NRG3: variants seen among roughly 807,000 people sequenced by gnomAD.
NRG3 encodes the protein neuregulin 3, also known as pro-neuregulin-3, membrane-bound isoform.
In NRG3, 31 loss-of-function variants were observed where a neutral mutation model predicts 66.9. The observed-to-expected ratio is 0.46, with a 90% CI of 0.35 to 0.63. NRG3 has a LOEUF of 0.63. NRG3 is among the 20% of genes least tolerant of loss of function. NRG3 has a pLI of 0.00. For synonymous variants in NRG3, 393 were observed against 359.4 expected, an observed-to-expected ratio of 1.09 and a Z score of -1.06; for missense variants, 910 against 878.9, an observed-to-expected ratio of 1.04 and a Z score of -0.45.
At position 81,875,246 on chromosome 10, in the gene NRG3, C is replaced by T. The variant is rs1841513687; in HGVS notation, c.-95C>T. ...TGCCTGCGCCCGAGCCCGCCGCCGC[C>T]GCCGGAGCCCGCGCCCGCGCCCGCG... On this transcript the variant is annotated 5_prime_UTR_variant, in exon 1 of 9. Coordinates refer to ENST00000372141, the MANE Select transcript of NRG3 (RefSeq NM_001010848.4). This position sits in a 1 kb window ranked among gnomAD's most constrained non-coding sequence, Gnocchi z 5.3. 4 of 789,832 alleles carry T rather than the reference C, an allele frequency of 5.1e-6. No homozygotes were observed. Among genetic ancestry groups the T allele is most frequent in the Non-Finnish European group, 6.1e-6 (4 of 653,764 alleles). 48.9% of individuals were successfully genotyped at this position (789,832 alleles called of 1,614,324 possible).
chr10:82,744,386 A>G lies in NRG3; in HGVS notation c.1027+5736A>G, dbSNP rs551013294. Among the ~76,000 whole-genome samples the G allele has an allele frequency of 4.9e-4, 74 of 152,206 alleles. 1 individual carries two copies. The highest frequency in any genetic ancestry group is 1.4e-3 in the Admixed American group (21 of 15,292). On this transcript the variant is annotated intron_variant, in intron 3 of 8. Transcript: ENST00000372141. Reference sequence around the variant, plus strand: ...GCAGGTTCAGTGTCTGCTGTGGGCAATTTTCTGATAGAGGGTGCATTCTCT... The same window carrying G: ...GCAGGTTCAGTGTCTGCTGTGGGCAGTTTTCTGATAGAGGGTGCATTCTCT...
At chr10:82,210,802 C>T (rs1248681655) in intron 1 of NRG3, among the ~76,000 whole-genome samples, 1 of 151,920 alleles carries the variant, frequency 6.6e-6, no homozygotes, top group African/African-American at 2.4e-5. Context: ...CATATTTATG[C>T]CTACTTATTT....
At chr10:82,821,085 CT>C (rs752364302) in intron 3 of NRG3, among the ~76,000 whole-genome samples, 10 of 152,156 alleles carry the variant, frequency 6.6e-5, no homozygotes, top group Admixed American at 1.3e-4. Context: ...CTTCTTATTT[CT>C]TTTCTATCCA....
At chr10:82,783,985 G>A (rs1360105933) in intron 3 of NRG3, among the ~76,000 whole-genome samples, 3 of 151,956 alleles carry the variant, frequency 2.0e-5, no homozygotes, top group African/African-American at 7.3e-5. Flanking sequence ...AACCAAAACA[G>A]CATGGTACTG....
chr10:82,453,945 C>T (rs907161819), intron 2 of NRG3, among the ~76,000 whole-genome samples: 2 of 152,196 alleles, frequency 1.3e-5, no homozygotes, highest in South Asian at 4.2e-4. Context: ...TATAAAGTTC[C>T]ACAGTGAGAT....
At chr10:82,385,011 T>C (rs2085884050) in intron 2 of NRG3, among the ~76,000 whole-genome samples, 1 of 152,210 alleles carries the variant, frequency 6.6e-6, no homozygotes, top group Admixed American at 6.5e-5. Context: ...AAAACCATTC[T>C]AACTGGTATG....
chr10:82,848,752 T>C (rs1224204504), intron 3 of NRG3, among the ~76,000 whole-genome samples: 6 of 152,134 alleles, frequency 3.9e-5, no homozygotes, highest in Non-Finnish European at 5.9e-5. Flanking sequence ...TGGGAGACAA[T>C]TGAATCACGG....
At chr10:82,199,135 G>A (rs974622658) in intron 1 of NRG3, among the ~76,000 whole-genome samples, 68 of 145,334 alleles carry the variant, frequency 4.7e-4, no homozygotes, top group African/African-American at 1.7e-3. Context: ...TGCTACCCCT[G>A]CACTCCAGCT....
intron 2 of NRG3, among the ~76,000 whole-genome samples, chr10:82,540,319 A>G (rs1052814705): frequency 4.0e-5 from 6 of 150,986 alleles, no homozygotes; most frequent in African/African-American, 1.2e-4. Context: ...GTGCTTTTCC[A>G]TCTCTCTCTC....
Position 82,312,905 on chromosome 10 carries a change from G to A in NRG3, c.824-45834G>A, listed in dbSNP as rs188684053. On this transcript the variant is annotated intron_variant, in intron 1 of 8. Transcript: ENST00000372141. ...TGATAATTAATTGTTGGCTGTCAACGGTGGCTCATGCCTGTAATTCCAGCA... is the reference window on the plus strand; with the variant it reads ...TGATAATTAATTGTTGGCTGTCAACAGTGGCTCATGCCTGTAATTCCAGCA... Among the ~76,000 whole-genome samples the A allele has an allele frequency of 2.1e-3, 327 of 152,170 alleles. 5 individuals are homozygous for A. The highest frequency in any genetic ancestry group is 7.3e-3 in the African/African-American group (305 of 41,518).
chr10:82,301,942 G>T (rs2080428470), intron 1 of NRG3, among the ~76,000 whole-genome samples: 1 of 151,650 alleles, frequency 6.6e-6, no homozygotes, highest in African/African-American at 2.4e-5. Context: ...AACAATCTTA[G>T]TTAATAGACT....
chr10:82,134,633 T>G (rs1371984893), intron 1 of NRG3, among the ~76,000 whole-genome samples: 1 of 152,108 alleles, frequency 6.6e-6, no homozygotes, highest in Non-Finnish European at 1.5e-5. Context: ...TGTTTTTGCA[T>G]CAGTATTATG....
At chr10:81,972,264 A>C (rs2059960626) in intron 1 of NRG3, among the ~76,000 whole-genome samples, 1 of 152,236 alleles carries the variant, frequency 6.6e-6, no homozygotes, top group Non-Finnish European at 1.5e-5. Flanking sequence ...AATATCAAGC[A>C]TCCTACATGG....
chr10:82,123,649 G>A (rs1392425526), intron 1 of NRG3, among the ~76,000 whole-genome samples: 2 of 152,176 alleles, frequency 1.3e-5, no homozygotes, highest in African/African-American at 4.8e-5. Context: ...GAAGAATTCA[G>A]TTCATCCAAA....
At chr10:82,850,156 T>C (rs974871913) in intron 3 of NRG3, among the ~76,000 whole-genome samples, 2 of 152,178 alleles carry the variant, frequency 1.3e-5, no homozygotes, top group African/African-American at 2.4e-5. Context: ...ACAAGTTTTC[T>C]AGAGGATGCT....
chr10:82,018,787 T>C (rs2061913780), intron 1 of NRG3, among the ~76,000 whole-genome samples: 2 of 152,184 alleles, frequency 1.3e-5, no homozygotes, highest in Admixed American at 6.5e-5. Flanking sequence ...ATTGATTTTG[T>C]ATCCTGAGAC....
At chr10:82,191,034 A>C (rs1311278583) in intron 1 of NRG3, among the ~76,000 whole-genome samples, 2 of 152,100 alleles carry the variant, frequency 1.3e-5, no homozygotes, top group African/African-American at 4.8e-5. Context: ...GAACTGGGTC[A>C]CATGTCACCC....
At chr10:82,537,121 G>T (rs1364081038) in intron 2 of NRG3, among the ~76,000 whole-genome samples, 1 of 151,872 alleles carries the variant, frequency 6.6e-6, no homozygotes, top group Non-Finnish European at 1.5e-5. Context: ...ATGGGTTTTT[G>T]TGAAAATTTA....
intron 2 of NRG3, among the ~76,000 whole-genome samples, chr10:82,704,944 C>T (rs981922654): frequency 1.3e-5 from 2 of 152,124 alleles, no homozygotes; most frequent in African/African-American, 4.8e-5. Context: ...GACACATACA[C>T]CTATCTTGTG....
Sources: gnomAD v4.1 joint callset for allele counts (sites outside exome capture counted in the v4.1 genomes callset) on GRCh38, gnomAD v4.1.1 for gene constraint, Gnocchi (gnomAD v3.1) non-coding constraint, MANE v1.5 for transcripts, NCBI Gene and HGNC (gene_info 2026-07-23, HGNC 2026-07-21) for gene names.